HECTD4: variants seen among roughly 807,000 people sequenced by gnomAD.
The protein encoded by HECTD4 is HECT domain E3 ubiquitin protein ligase 4.
In HECTD4, 114 loss-of-function variants were observed where a neutral mutation model predicts 471.5. The observed-to-expected ratio is 0.24, with a 90% CI of 0.21 to 0.28. The LOEUF is 0.28. Among genes scored for constraint, HECTD4 ranks in the 10% least tolerant of loss-of-function variants. The pLI, the probability that HECTD4 is intolerant of heterozygous loss-of-function variation, is 1.00. For synonymous variants in HECTD4, 2,012 were observed against 2,256.0 expected (o/e 0.89, Z 3.07); for missense variants, 3,866 against 5,651.5 (o/e 0.68, Z 10.13).
Position 112,162,663 on chromosome 12 carries a change from G to A in HECTD4, c.13121-140C>T, listed in dbSNP as rs1043881301. 1 of 972,670 alleles carries A rather than the reference G, an allele frequency of 1.0e-6. No individual in the cohort carries two copies. The highest frequency in any genetic ancestry group is 1.5e-6 in the Non-Finnish European group (1 of 655,276). The allele number at this position is 972,670 out of a possible 1,614,324, so 60.3% of individuals were successfully genotyped here. On this transcript the variant is annotated intron_variant, in intron 75 of 75. Coordinates refer to ENST00000682272, the MANE Select transcript of HECTD4 (RefSeq NM_001388303.1). The surrounding 1 kb of genome is among the most constrained non-coding windows in gnomAD (Gnocchi z 5.2). ...CTGGGGCCCAGCAGGAGGGGGATGA[G>A]GGCCTGGGAACCTGCGAGATGTTCT... is the stretch of plus-strand genomic sequence containing the variant.
intron 1 of HECTD4, among the ~76,000 whole-genome samples, chr12:112,364,420 A>AG (rs1476724551): frequency 6.6e-6 from 1 of 151,030 alleles, no homozygotes. Context: ...AAAAAAAAAA[A>AG]AAATAAATAA....
intron 54 of HECTD4, chr12:112,203,302 G>A (rs2032482465): frequency 5.4e-6 from 1 of 186,268 alleles, no homozygotes. Context: ...ATTCATCAAG[G>A]ACAATGGGGA....
intron 1 of HECTD4, among the ~76,000 whole-genome samples, chr12:112,324,092 TTCTTTCTTTCCTCTCTC>T (rs2035688406): frequency 9.4e-6 from 1 of 106,082 alleles, no homozygotes; most frequent in Admixed American, 1.1e-4. Flanking sequence ...CTTTCTTTCT[TTCTTTCTTTCCTCTCTC>T]TCTTTCTTTC....
chr12:112,251,506 T>A (rs1262060761), intron 23 of HECTD4, among the ~76,000 whole-genome samples: 1 of 152,236 alleles, frequency 6.6e-6, no homozygotes, highest in Non-Finnish European at 1.5e-5. Context: ...CAAACTGTGA[T>A]GTTGTCAATG....
chr12:112,206,960 G>A (rs867585922), intron 52 of HECTD4, among the ~76,000 whole-genome samples: 1 of 152,160 alleles, frequency 6.6e-6, no homozygotes, highest in Admixed American at 6.6e-5. Flanking sequence ...AGGGTGCTGT[G>A]ATTAGAGACA....
chr12:112,198,087 G>A (rs1475736607), intron 55 of HECTD4, among the ~76,000 whole-genome samples: 3 of 152,158 alleles, frequency 2.0e-5, no homozygotes, highest in South Asian at 2.1e-4. Flanking sequence ...CGCCCACCTC[G>A]GCCTCCCAAA....
intron 7 of HECTD4, among the ~76,000 whole-genome samples, chr12:112,303,579 G>A (rs2035208555): frequency 1.3e-5 from 2 of 152,178 alleles, no homozygotes; most frequent in Non-Finnish European, 2.9e-5. Context: ...GCCAGGTGTG[G>A]TGGCTCAGGC....
chr12:112,219,617 T>G (rs75953412), intron 44 of HECTD4, 128 bp from the exon 45 acceptor site: 1 of 584,680 alleles, frequency 1.7e-6, no homozygotes, highest in Middle Eastern at 3.0e-4. Flanking sequence ...TTTTTTTTTT[T>G]GAGACAGAGT....
intron 21 of HECTD4, among the ~76,000 whole-genome samples, chr12:112,254,390 T>C (rs1302003087): frequency 6.6e-6 from 1 of 152,188 alleles, no homozygotes; most frequent in African/African-American, 2.4e-5. Flanking sequence ...CAATTCTTAA[T>C]AAAAAGAAGT....
intron 7 of HECTD4, 118 bp from the exon 8 acceptor site, chr12:112,283,420 G>C (rs2034686526): frequency 2.8e-6 from 2 of 705,516 alleles, no homozygotes; most frequent in Non-Finnish European, 4.6e-6. Context: ...CTCCTGAGTA[G>C]ATGTATACCT....
chr12:112,326,565 A>AT (rs927834940), intron 1 of HECTD4, among the ~76,000 whole-genome samples: 2 of 152,148 alleles, frequency 1.3e-5, no homozygotes, highest in Non-Finnish European at 2.9e-5. Context: ...ATTTATTTCC[A>AT]TTTTTTTCTG....
intron 2 of HECTD4, among the ~76,000 whole-genome samples, chr12:112,318,189 C>T (rs555597657): frequency 1.7e-4 from 25 of 151,284 alleles, no homozygotes; most frequent in African/African-American, 5.1e-4. Context: ...CACTTGAATC[C>T]GGGAGGTGGA....
intron 1 of HECTD4, among the ~76,000 whole-genome samples, chr12:112,329,692 T>A (rs1298402284): frequency 6.6e-6 from 1 of 152,182 alleles, no homozygotes; most frequent in Non-Finnish European, 1.5e-5. Context: ...TAATAAATGG[T>A]ATCTCAGAGG....
rs764975746 is a variant in HECTD4 at position 112,243,667 on chromosome 12, G to A, written c.4744C>T (p.Leu1582=). The A allele has an allele frequency of 1.2e-6, 2 of 1,613,320 alleles. No individual in the cohort carries two copies. The highest frequency in any genetic ancestry group is 1.7e-6 in the Non-Finnish European group (2 of 1,179,560). ...DSRDKPTYSV[L]LGQLFAFIGT... The stretch of plus-strand genomic sequence containing the variant: ...ATGAAAGCAAACAGCTGCCCTAGCA[G>A]GACACTGTAGGTGGGCTTGTCCCTG... The change falls in exon 31 of 76, where the codon CTG becomes TTG. Residue 1582 remains leucine (L), a synonymous_variant. Transcript: ENST00000682272. The surrounding 1 kb of genome is among the most constrained non-coding windows in gnomAD (Gnocchi z 6.6).
chr12:112,165,503 C>T (rs534067787), intron 72 of HECTD4, among the ~76,000 whole-genome samples: 1 of 152,066 alleles, frequency 6.6e-6, no homozygotes, highest in East Asian at 1.9e-4. Flanking sequence ...AGGCGCCCGC[C>T]ACCATGCCTG....
rs1167421431 is a variant in HECTD4, at chr12:112,185,316, G to A, written c.9650C>T (p.Ser3217Leu). 7 of 1,576,584 alleles carry A rather than the reference G, an allele frequency of 4.4e-6. No individual in the cohort carries two copies. The highest frequency in any genetic ancestry group is 1.7e-4 in the Middle Eastern group (1 of 6,042). The change falls in exon 61 of 76, where the codon TCG (serine) becomes TTG (leucine). Residue 3217 changes from serine (S) to leucine (L), a missense_variant. This residue lies in a region of HECTD4 where 364 missense variants were observed against 413.2 expected (regional missense o/e 0.88). Transcript: ENST00000682272. ...CTCGTCGTACAGCTTGTGGAGCTCC[G>A]ACTGCAAGGCCATCAGCATGGCCAG... ...PCLAMLMALQ[S>L]ELHKLYDEET...
intron 4 of HECTD4, among the ~76,000 whole-genome samples, chr12:112,311,334 C>T (rs985239713): frequency 8.6e-5 from 13 of 151,256 alleles, no homozygotes; most frequent in Non-Finnish European, 1.5e-4. Flanking sequence ...CCGTGGCTCG[C>T]ACCTACAATC....
In HECTD4 at chr12:112,297,688, A is replaced by G. The variant is rs11066245; in HGVS notation, c.1335+8376T>C. Among the ~76,000 whole-genome samples, 8,471 of 152,108 alleles carry G rather than the reference A, an allele frequency of 0.056. 1,298 individuals carry two copies. The East Asian group carries it at 0.61, about 11-fold the overall frequency. ...TAACCTCAGGAGTTTAGCTGGGGGC[A>G]TATTTAGCTTGAGGTGACCATCAGA... On this transcript the variant is annotated intron_variant, in intron 7 of 75. Coordinates refer to ENST00000682272, the MANE Select transcript of HECTD4 (RefSeq NM_001388303.1).
At chr12:112,256,878 C>T (rs2034025458) in intron 20 of HECTD4, 1 of 157,640 alleles carries the variant, frequency 6.3e-6, no homozygotes, top group Non-Finnish European at 1.4e-5. Context: ...AAAAAAGATA[C>T]TGTAAAGGAT....
Sources: allele counts gnomAD v4.1 joint callset (sites outside exome capture counted in the v4.1 genomes callset), GRCh38; gene constraint gnomAD v4.1.1; regional missense constraint gnomAD v4.1.1; non-coding constraint Gnocchi (gnomAD v3.1); transcripts MANE v1.5; gene names NCBI Gene and HGNC (gene_info 2026-07-23, HGNC 2026-07-21).